CCSER2: variants seen among roughly 807,000 people sequenced by gnomAD.
CCSER2 encodes the protein serine-rich coiled-coil domain-containing protein 2.
CCSER2 carries 46 observed loss-of-function variants against 92.3 expected under a neutral mutation model. That is an observed-to-expected ratio of 0.50 (90% confidence interval 0.39 to 0.64). The LOEUF is 0.64. Ranked by LOEUF, CCSER2 falls within the 30% of genes least tolerant of loss-of-function variation. The pLI, the probability that CCSER2 is intolerant of heterozygous loss-of-function variation, is 0.00. For synonymous variants in CCSER2, 433 were observed against 431.4 expected, an observed-to-expected ratio of 1.00 and a Z score of -0.04; for missense variants, 1,244 against 1,238.9, an observed-to-expected ratio of 1.00 and a Z score of -0.06.
At chr10:84,482,835 G>T (rs920722212) in intron 9 of CCSER2, among the ~76,000 whole-genome samples, 2 of 152,156 alleles carry the variant, frequency 1.3e-5, no homozygotes, top group South Asian at 4.1e-4. Flanking sequence ...TACACAGACT[G>T]TTGTATCGGT....
In CCSER2 at chr10:84,391,719, G is replaced by T; in HGVS notation, c.1614+17904G>T. On this transcript the variant is annotated intron_variant, in intron 3 of 9. Transcript: ENST00000372088. ...ACGATTGGTCGTCTTGGTTACGTGT[G>T]TCTTCAAGAGGTGGCCCCCATGCTA... 2.0e-6 allele frequency: 3 copies of T among 1,500,712 alleles called. No homozygotes were observed. The Admixed American group carries it at 5.0e-5, about 25-fold the overall frequency. 93.0% of individuals were successfully genotyped at this position (1,500,712 alleles called of 1,614,324 possible).
chr10:84,437,121 C>T (rs1032052007), intron 5 of CCSER2, among the ~76,000 whole-genome samples: 4 of 144,034 alleles, frequency 2.8e-5, no homozygotes, highest in Non-Finnish European at 6.0e-5. Context: ...TACTAACTAG[C>T]CAACCAAATA....
rs11201048 is a variant in CCSER2, at chr10:84,457,280, T to A, written c.2065-6653T>A. On this transcript the variant is annotated intron_variant, in intron 6 of 9. Coordinates refer to ENST00000372088, the MANE Select transcript of CCSER2 (RefSeq NM_001284240.2). ...ATAAAATATATTATATATAATATAT[T>A]ATATATTATATATTATATATAATAT... 5.2e-3 allele frequency among the ~76,000 whole-genome samples: 95 copies of A among 18,258 alleles called. 2 individuals carry two copies. Among genetic ancestry groups the A allele is most frequent in the African/African-American group, 0.022 (34 of 1,522 alleles). 12.0% of individuals were successfully genotyped at this position (18,258 alleles called of 152,430 possible).
At chr10:84,389,464 A>G (rs1414401603) in intron 3 of CCSER2, 1 of 365,712 alleles carries the variant, frequency 2.7e-6, no homozygotes, top group Non-Finnish European at 5.4e-6. Flanking sequence ...GGGCCTGTCT[A>G]TTCTGAATAG....
chr10:84,446,876 C>T (rs1407266475), intron 6 of CCSER2, among the ~76,000 whole-genome samples: 2 of 151,936 alleles, frequency 1.3e-5, no homozygotes, highest in African/African-American at 4.8e-5. Flanking sequence ...GTGAGTATTC[C>T]TCTATGGCTT....
chr10:84,380,146 A>G (rs1356587635), intron 3 of CCSER2, among the ~76,000 whole-genome samples: 1 of 152,130 alleles, frequency 6.6e-6, no homozygotes, highest in African/African-American at 2.4e-5. Context: ...TATCATCTGA[A>G]CCCCATATGT....
At chr10:84,387,132 C>T (rs911837127) in intron 3 of CCSER2, among the ~76,000 whole-genome samples, 2 of 152,130 alleles carry the variant, frequency 1.3e-5, no homozygotes, top group Non-Finnish European at 2.9e-5. Context: ...CTACTGCTAC[C>T]TTGCCTACAT....
intron 3 of CCSER2, among the ~76,000 whole-genome samples, chr10:84,383,423 G>A (rs1176824464): frequency 6.6e-6 from 1 of 152,032 alleles, no homozygotes; most frequent in Non-Finnish European, 1.5e-5. Flanking sequence ...CCACTCTCCT[G>A]CCTCAGCCTC....
At chr10:84,457,308 T>A (rs1342166450) in intron 6 of CCSER2, among the ~76,000 whole-genome samples, 5 of 68,438 alleles carry the variant, frequency 7.3e-5, no homozygotes, top group East Asian at 3.9e-4. Context: ...TATAATATGT[T>A]ATATATAATA....
intron 9 of CCSER2, among the ~76,000 whole-genome samples, chr10:84,489,110 G>C (rs1847986973): frequency 6.6e-6 from 1 of 152,198 alleles, no homozygotes; most frequent in African/African-American, 2.4e-5. Context: ...GAGACTGTTT[G>C]TTATAGTTTC....
chr10:84,498,124 C>A (rs1848545817), intron 9 of CCSER2, among the ~76,000 whole-genome samples: 1 of 152,180 alleles, frequency 6.6e-6, no homozygotes, highest in Non-Finnish European at 1.5e-5. Flanking sequence ...TGACTGTTTT[C>A]TTAAACATGT....
intron 3 of CCSER2, among the ~76,000 whole-genome samples, chr10:84,417,515 A>G (rs1842943017): frequency 6.6e-6 from 1 of 152,216 alleles, no homozygotes; most frequent in Non-Finnish European, 1.5e-5. Context: ...CATGGACTTA[A>G]AAGTTTTTTA....
At chr10:84,419,576 T>C (rs1426750768) in intron 4 of CCSER2, among the ~76,000 whole-genome samples, 1 of 152,160 alleles carries the variant, frequency 6.6e-6, no homozygotes, top group African/African-American at 2.4e-5. Context: ...AAGGAGAGAA[T>C]GAAAAGTTGA....
At chr10:84,493,485 GAAGTA>G (rs986368895) in intron 9 of CCSER2, among the ~76,000 whole-genome samples, 6 of 152,334 alleles carry the variant, frequency 3.9e-5, no homozygotes, top group African/African-American at 1.4e-4. Context: ...GTTTATTAGA[GAAGTA>G]AAGAAACAAA....
rs1303823389 is a variant in CCSER2, at chr10:84,457,352, TATATATATTTATTTTAA to T, written c.2065-6570_2065-6554del. Among the ~76,000 whole-genome samples, 30 of 64,566 alleles carry T rather than the reference TATATATATTTATTTTAA, an allele frequency of 4.6e-4. No individual in the cohort carries two copies. In the East Asian group the frequency reaches 6.2e-3, roughly 13 times the overall value. 42.4% of individuals were successfully genotyped at this position (64,566 alleles called of 152,430 possible). On this transcript the variant is annotated intron_variant, in intron 6 of 9. Coordinates refer to ENST00000372088, the MANE Select transcript of CCSER2 (RefSeq NM_001284240.2). ...ATAATATATTATATATTATATATAATATATATATTTATTTTAAATATATATTTTAAATATATATTTAT... is the reference window on the plus strand; with the variant it reads ...ATAATATATTATATATTATATATAATATATATATTTTAAATATATATTTAT...
chr10:84,329,766 C>A (rs1843459599), intron 1 of CCSER2, among the ~76,000 whole-genome samples: 1 of 152,190 alleles, frequency 6.6e-6, no homozygotes, highest in Non-Finnish European at 1.5e-5. Context: ...TCTTATCCGT[C>A]ATCCATATGT....
chr10:84,383,269 ACT>A (rs2133221694), intron 3 of CCSER2, among the ~76,000 whole-genome samples: 1 of 151,732 alleles, frequency 6.6e-6, no homozygotes, highest in South Asian at 2.1e-4. Context: ...GGGTTATTTA[ACT>A]CTAAGGAAGA....
chr10:84,396,081 T>G (rs922364183), intron 3 of CCSER2, among the ~76,000 whole-genome samples: 5 of 152,144 alleles, frequency 3.3e-5, no homozygotes, highest in African/African-American at 1.2e-4. Context: ...TCCAATCAAA[T>G]GCCACAGAAT....
At chr10:84,347,384 G>C (rs889275045) in intron 1 of CCSER2, among the ~76,000 whole-genome samples, 1 of 150,936 alleles carries the variant, frequency 6.6e-6, no homozygotes, top group Non-Finnish European at 1.5e-5. Context: ...CCTCCCGGAC[G>C]GGGCGGCTGG....
Sources: allele counts gnomAD v4.1 joint callset (sites outside exome capture counted in the v4.1 genomes callset), GRCh38; gene constraint gnomAD v4.1.1; transcripts MANE v1.5; gene names NCBI Gene and HGNC (gene_info 2026-07-23, HGNC 2026-07-21).